TMEM131: variants seen among roughly 807,000 people sequenced by gnomAD.
The protein encoded by TMEM131 is transmembrane protein 131, also known as 2610524E03Rik.
TMEM131 carries 66 observed loss-of-function variants against 211.6 expected under a neutral mutation model. The ratio of observed to expected loss-of-function variants is 0.31; its 90% CI spans 0.26 to 0.38. TMEM131 has a LOEUF of 0.38. Ranked by LOEUF, TMEM131 falls within the 10% of genes least tolerant of loss-of-function variation. TMEM131 has a pLI of 1.00. For missense variants in TMEM131, 2,036 were observed against 2,299.3 expected (o/e 0.89, Z 2.34); for synonymous variants, 844 against 841.3 (o/e 1.00, Z -0.06).
chr2:97,992,103 G>T (rs1408906383), intron 1 of TMEM131, among the ~76,000 whole-genome samples: 1 of 152,102 alleles, frequency 6.6e-6, no homozygotes, highest in East Asian at 1.9e-4. Flanking sequence ...AAATTAAAAG[G>T]TACCCACTCT....
Position 97,794,986 on chromosome 2 carries a change from G to T in TMEM131, c.3330C>A (p.Ala1110=). The change falls in exon 29 of 41, where the codon GCC becomes GCA. Residue 1110 remains alanine, a synonymous_variant. Coordinates refer to ENST00000186436, the MANE Select transcript of TMEM131 (RefSeq NM_015348.2). ...PYHMLATCAE[A]LPRPNWELAL... ...CCAGTTCCCAGTTAGGTCTGGGTAG[G>T]GCTTCTGCACAGGTTGCTAACATAT... The T allele has an allele frequency of 6.2e-7, 1 of 1,611,976 alleles. No homozygotes were observed. The highest frequency in any genetic ancestry group is 8.5e-7 in the Non-Finnish European group (1 of 1,178,806).
chr2:97,940,138 C>T (rs1677649631), intron 1 of TMEM131, among the ~76,000 whole-genome samples: 1 of 152,196 alleles, frequency 6.6e-6, no homozygotes, highest in African/African-American at 2.4e-5. Context: ...TCTCTCACCA[C>T]TCCTATTCTA....
intron 12 of TMEM131, 120 bp downstream of exon 12, chr2:97,818,493 C>T: frequency 2.8e-6 from 1 of 354,134 alleles, no homozygotes; most frequent in Non-Finnish European, 5.6e-6. Flanking sequence ...TCAACCTAAG[C>T]AGTAATATAA....
intron 12 of TMEM131, 140 bp downstream of exon 12, chr2:97,818,473 C>G (rs76682437): frequency 0.021 from 1,163 of 54,704 alleles, 3 homozygotes; most frequent in African/African-American, 0.07. Context: ...CGGGGGGGGG[C>G]GGGGGGGGAT....
chr2:97,946,998 G>A (rs1243591087), intron 1 of TMEM131, among the ~76,000 whole-genome samples: 2 of 151,526 alleles, frequency 1.3e-5, no homozygotes, highest in Admixed American at 1.3e-4. Context: ...AAAAACATTG[G>A]ACAAAATTCA....
At chr2:97,761,938 G>A in intron 36 of TMEM131, 97 bp downstream of exon 36, 1 of 1,345,012 alleles carries the variant, frequency 7.4e-7, no homozygotes, top group Non-Finnish European at 9.9e-7. Context: ...ACACCAGACA[G>A]TGGCCTGTGG....
chr2:97,774,541 T>G (rs1162562936), intron 32 of TMEM131, among the ~76,000 whole-genome samples: 2 of 152,186 alleles, frequency 1.3e-5, no homozygotes, highest in African/African-American at 4.8e-5. Flanking sequence ...ATGAAGGATG[T>G]GAGTTCTGAG....
At chr2:97,809,960 T>C (rs1437350069) in intron 18 of TMEM131, among the ~76,000 whole-genome samples, 186 bp from the exon 19 acceptor site, 3 of 152,100 alleles carry the variant, frequency 2.0e-5, no homozygotes, top group African/African-American at 7.2e-5. Flanking sequence ...TAAAATGTAA[T>C]GAAATATAAC....
At chr2:97,956,128 G>C (rs1469950443) in intron 1 of TMEM131, among the ~76,000 whole-genome samples, 1 of 152,206 alleles carries the variant, frequency 6.6e-6, no homozygotes, top group African/African-American at 2.4e-5. Flanking sequence ...GAGTACCTGA[G>C]AGAGTGTGAC....
intron 1 of TMEM131, among the ~76,000 whole-genome samples, chr2:97,932,273 T>C (rs573593981): frequency 6.6e-6 from 1 of 152,348 alleles, no homozygotes; most frequent in African/African-American, 2.4e-5. Flanking sequence ...TAAAACATCC[T>C]GGACTAGGTC....
chr2:97,842,950 T>A (rs1400980722), intron 6 of TMEM131, among the ~76,000 whole-genome samples: 1 of 151,968 alleles, frequency 6.6e-6, no homozygotes, highest in Admixed American at 6.6e-5. Context: ...CCGCTAAAGA[T>A]TTACTCACCA....
chr2:97,874,216 G>C (rs1418410118), intron 4 of TMEM131, among the ~76,000 whole-genome samples: 1 of 152,096 alleles, frequency 6.6e-6, no homozygotes, highest in South Asian at 2.1e-4. Context: ...AAGAAATATG[G>C]GACTATGTGA....
At chr2:97,798,632 A>G (rs1464239801) in intron 25 of TMEM131, among the ~76,000 whole-genome samples, 1 of 152,254 alleles carries the variant, frequency 6.6e-6, no homozygotes, top group African/African-American at 2.4e-5. Context: ...GCAGTTGGCC[A>G]CTGTGGAATG....
At chr2:97,804,246 T>C (rs1274784104) in intron 22 of TMEM131, among the ~76,000 whole-genome samples, 1 of 152,176 alleles carries the variant, frequency 6.6e-6, no homozygotes. Context: ...AATACATTTT[T>C]TGTTTTTGAA....
At chr2:97,805,021 A>G (rs1321043868) in intron 22 of TMEM131, 67 bp downstream of exon 22, 15 of 1,060,858 alleles carry the variant, frequency 1.4e-5, no homozygotes, top group Non-Finnish European at 1.7e-5. Context: ...AATATAATTT[A>G]GAAAGCATTA....
At chr2:97,978,391 G>T in intron 1 of TMEM131, among the ~76,000 whole-genome samples, 1 of 151,976 alleles carries the variant, frequency 6.6e-6, no homozygotes, top group African/African-American at 2.4e-5. Flanking sequence ...AAGTTTTATC[G>T]TAACACTGCA....
At chr2:97,972,603 C>G (rs1226047053) in intron 1 of TMEM131, among the ~76,000 whole-genome samples, 1 of 152,206 alleles carries the variant, frequency 6.6e-6, no homozygotes, top group South Asian at 2.1e-4. Context: ...CTCCAAGACG[C>G]CCACATCCTA....
chr2:97,798,597 A>AACC (rs1680880930), intron 25 of TMEM131, among the ~76,000 whole-genome samples: 1 of 152,256 alleles, frequency 6.6e-6, no homozygotes, highest in Non-Finnish European at 1.5e-5. Flanking sequence ...TTCCTGGCAT[A>AACC]ACCAAATCTG....
chr2:97,935,338 G>A (rs1406577236), intron 1 of TMEM131, among the ~76,000 whole-genome samples: 1 of 152,084 alleles, frequency 6.6e-6, no homozygotes, highest in African/African-American at 2.4e-5. Flanking sequence ...TATTGCCATT[G>A]GGAGGAACCA....
Sources: allele counts gnomAD v4.1 joint callset (sites outside exome capture counted in the v4.1 genomes callset), GRCh38; gene constraint gnomAD v4.1.1; transcripts MANE v1.5; gene names NCBI Gene and HGNC (gene_info 2026-07-23, HGNC 2026-07-21).